Variants in CFAP57 observed in about 807,000 individuals in gnomAD.
CFAP57 encodes cilia and flagella associated protein 57.
CFAP57 carries 116 observed loss-of-function variants against 146.8 expected under a neutral mutation model. The ratio of observed to expected loss-of-function variants is 0.79; its 90% CI spans 0.68 to 0.92. CFAP57 has a LOEUF of 0.92. CFAP57 is among the 40% of genes least tolerant of loss of function. The pLI is 0.00. For synonymous variants in CFAP57, 518 were observed against 552.8 expected (o/e 0.94, Z 0.88); for missense variants, 1,377 against 1,527.2 (o/e 0.90, Z 1.64).
intron 11 of CFAP57, among the ~76,000 whole-genome samples, chr1:43,213,551 T>C (rs1161439776): frequency 6.6e-6 from 1 of 152,094 alleles, no homozygotes; most frequent in Non-Finnish European, 1.5e-5. Context: ...CTGATTTCCT[T>C]TCCTTTAGAA....
chr1:43,227,086 G>T lies in CFAP57; in HGVS notation c.2969G>T (p.Arg990Leu). The change falls in exon 18 of 23, where the codon CGA (arginine) becomes CTA (leucine). Residue 990 changes from arginine (R) to leucine (L), a missense_variant. Arg to Leu is a moderately radical substitution (Grantham distance 102). Coordinates refer to ENST00000372492, the MANE Select transcript of CFAP57 (RefSeq NM_001378189.1). ...IKELKKQIEP[R>L]ENEIRVMKEQ... Reference sequence around the variant, plus strand: ...GAGCTGAAGAAGCAAATAGAACCTCGAGAGAATGAGATCAGGGTGATGAAG... The same window carrying T: ...GAGCTGAAGAAGCAAATAGAACCTCTAGAGAATGAGATCAGGGTGATGAAG... The T allele has an allele frequency of 6.5e-7, 1 of 1,543,874 alleles. No individual in the cohort carries two copies. The highest frequency in any genetic ancestry group is 1.2e-5 in the South Asian group (1 of 82,944).
intron 2 of CFAP57, 90 bp from the exon 3 acceptor site, chr1:43,181,444 A>T: frequency 6.8e-7 from 1 of 1,477,668 alleles, no homozygotes; most frequent in Non-Finnish European, 9.3e-7. Context: ...ACCACTGTCC[A>T]CTCCAGTGCC....
intron 9 of CFAP57, among the ~76,000 whole-genome samples, chr1:43,199,904 G>C (rs1395224091): frequency 6.6e-6 from 1 of 152,198 alleles, no homozygotes; most frequent in Non-Finnish European, 1.5e-5. Flanking sequence ...TGTGGTGCCA[G>C]GATAAACCGT....
chr1:43,250,930 G>A (rs1336758550), intron 22 of CFAP57, among the ~76,000 whole-genome samples: 1 of 152,190 alleles, frequency 6.6e-6, no homozygotes, highest in Non-Finnish European at 1.5e-5. Context: ...CAAATTGAGA[G>A]GAGCAGATGC....
At chr1:43,242,453 T>TTGGA (rs56071451) in intron 21 of CFAP57, among the ~76,000 whole-genome samples, 52,516 of 151,492 alleles carry the variant, frequency 0.35, 9,376 homozygotes, top group Non-Finnish European at 0.4. Flanking sequence ...GAATGGTTGG[T>TTGGA]TGGATGGATG....
Position 43,234,642 on chromosome 1 carries a change from C to A in CFAP57, c.3405+4C>A, listed in dbSNP as rs1021558264. 3.9e-6 allele frequency: 6 copies of A among 1,547,368 alleles called. No homozygotes were observed. Among genetic ancestry groups the A allele is most frequent in the Non-Finnish European group, 5.2e-6 (6 of 1,145,396 alleles). On this transcript the variant is annotated splice_donor_region_variant and intron_variant, in intron 21 of 22. Transcript: ENST00000372492. ...AGACTACGTCCGCATCATGCAGGTA[C>A]CTGCATGCTCCCCTCAGCCCCTGTG...
chr1:43,187,574 T>TA (rs1643222320), intron 6 of CFAP57, among the ~76,000 whole-genome samples: 1 of 151,214 alleles, frequency 6.6e-6, no homozygotes, highest in African/African-American at 2.4e-5. Context: ...CCATTTATCA[T>TA]AGACAGCCTT....
intron 9 of CFAP57, among the ~76,000 whole-genome samples, chr1:43,205,503 G>T (rs149058502): frequency 1.3e-5 from 2 of 152,352 alleles, no homozygotes; most frequent in East Asian, 3.9e-4. Flanking sequence ...GTATGTGTGT[G>T]TGCACGTATG....
Position 43,197,265 on chromosome 1 carries a change from G to T in CFAP57, c.1123-288G>T, listed in dbSNP as rs566343717. On this transcript the variant is annotated intron_variant, in intron 6 of 22. Coordinates refer to ENST00000372492, the MANE Select transcript of CFAP57 (RefSeq NM_001378189.1). ...CCAGCTACTCGGGAGGCTGAGGCAG[G>T]AGAATGGTGTGAACCCGGGAGGCGG... Among the ~76,000 whole-genome samples, 3 of 152,294 alleles carry T rather than the reference G, an allele frequency of 2.0e-5. No individual in the cohort carries two copies. The South Asian group carries it at 6.2e-4, about 32-fold the overall frequency.
rs565728100 is a variant in CFAP57, at chr1:43,251,379, G to A, written c.3539-2598G>A. Reference sequence around the variant, plus strand: ...ACATGGGTAAGAAAACAAGAACTAGGGAGGGGCCAAGGGCCACCCGGTGCA... The same window carrying A: ...ACATGGGTAAGAAAACAAGAACTAGAGAGGGGCCAAGGGCCACCCGGTGCA... On this transcript the variant is annotated intron_variant, in intron 22 of 22. Coordinates refer to ENST00000372492, the MANE Select transcript of CFAP57 (RefSeq NM_001378189.1). 2.0e-3 allele frequency among the ~76,000 whole-genome samples: 301 copies of A among 152,324 alleles called. 1 individual carries two copies. The highest frequency in any genetic ancestry group is 2.6e-3 in the Non-Finnish European group (180 of 68,024).
Position 43,254,248 on chromosome 1 carries a change from C to T in CFAP57, c.*57C>T. 1 of 1,458,312 alleles carries T rather than the reference C, an allele frequency of 6.9e-7. No individual in the cohort carries two copies. Among genetic ancestry groups the T allele is most frequent in the Non-Finnish European group, 9.2e-7 (1 of 1,082,908 alleles). 90.3% of individuals were successfully genotyped at this position (1,458,312 alleles called of 1,614,324 possible). ...CAGAAGAAACACAGCATGTCTGTCC[C>T]CAAGCCAGACTTGCGGTTGGAGTCT... On this transcript the variant is annotated 3_prime_UTR_variant, in exon 23 of 23. Transcript: ENST00000372492.
At chr1:43,235,537 G>A (rs1393086836) in intron 21 of CFAP57, among the ~76,000 whole-genome samples, 3 of 152,188 alleles carry the variant, frequency 2.0e-5, no homozygotes, top group African/African-American at 7.2e-5. Flanking sequence ...ACACAGCTGG[G>A]CAGAGCGCAC....
At position 43,238,441 on chromosome 1, in the gene CFAP57, G is replaced by A. The variant is rs1645784830; in HGVS notation, c.3405+3803G>A. ...ACATAAACAGTTTCACATCCCCCAAGACTTGGCACGTTGGTGGACCCCAGG... is the reference window on the plus strand; with the variant it reads ...ACATAAACAGTTTCACATCCCCCAAAACTTGGCACGTTGGTGGACCCCAGG... On this transcript the variant is annotated intron_variant, in intron 21 of 22. Transcript: ENST00000372492. The surrounding 1 kb of genome is among the most constrained non-coding windows in gnomAD (Gnocchi z 4.3). Among the ~76,000 whole-genome samples, 1 of 152,172 alleles carries A rather than the reference G, an allele frequency of 6.6e-6. No homozygotes were observed. The highest frequency in any genetic ancestry group is 1.5e-5 in the Non-Finnish European group (1 of 68,036).
chr1:43,174,211 T>C (rs911746255), intron 2 of CFAP57, among the ~76,000 whole-genome samples: 9 of 152,324 alleles, frequency 5.9e-5, no homozygotes, highest in African/African-American at 2.2e-4. Flanking sequence ...TCTTTCAGTT[T>C]GGGGCATTTT....
At position 43,197,362 on chromosome 1, in the gene CFAP57, T is replaced by A. The variant is rs558972953; in HGVS notation, c.1123-191T>A. 5.8e-4 allele frequency among the ~76,000 whole-genome samples: 88 copies of A among 152,016 alleles called. 4 individuals carry two copies. The South Asian group carries it at 0.018, about 31-fold the overall frequency. On this transcript the variant is annotated intron_variant, in intron 6 of 22. Coordinates refer to ENST00000372492, the MANE Select transcript of CFAP57 (RefSeq NM_001378189.1). The stretch of plus-strand genomic sequence containing the variant: ...ACAGAGCGAGACTCCATCTCAAACA[T>A]AAAATAAAATAAAATAAAAAATAAT...
chr1:43,185,145 C>T lies in CFAP57; in HGVS notation c.762-4C>T, dbSNP rs756271397. On this transcript the variant is annotated splice_polypyrimidine_tract_variant and splice_region_variant and intron_variant, in intron 4 of 22. Coordinates refer to ENST00000372492, the MANE Select transcript of CFAP57 (RefSeq NM_001378189.1). ...AATTATGTATGCTGTTTTTTTGTTTCCAGCCTGATTGAATTTCCACCAGTC... is the reference window on the plus strand; with the variant it reads ...AATTATGTATGCTGTTTTTTTGTTTTCAGCCTGATTGAATTTCCACCAGTC... The T allele has an allele frequency of 1.2e-6, 2 of 1,613,636 alleles. No individual in the cohort carries two copies. Among genetic ancestry groups the T allele is most frequent in the Non-Finnish European group, 1.7e-6 (2 of 1,179,892 alleles).
chr1:43,211,344 G>C (rs1309561246), intron 11 of CFAP57: 1 of 152,168 alleles, frequency 6.6e-6, no homozygotes, highest in East Asian at 1.9e-4. Context: ...GGAAGCCCAA[G>C]GCGGGCAGAT....
At chr1:43,248,138 C>CAAAA (rs35277187) in intron 22 of CFAP57, among the ~76,000 whole-genome samples, 7 of 54,812 alleles carry the variant, frequency 1.3e-4, no homozygotes, top group Admixed American at 2.5e-4. Flanking sequence ...GACTCTGTCT[C>CAAAA]AAAAAAAAAA....
Position 43,222,993 on chromosome 1 carries a change from A to G in CFAP57, c.2702A>G (p.Lys901Arg). The stretch of plus-strand genomic sequence containing the variant: ...AAGGGAGAAACAGGCATCATGAGGA[A>G]GAAGGTAGCAGGCTGTTCTCCAAGA... ...RLKGETGIMRKKFSSLQKEIE... is the reference protein window; with the variant it reads ...RLKGETGIMRRKFSSLQKEIE... The change falls in exon 16 of 23, where the codon AAG becomes AGG. Residue 901 changes from lysine to arginine, a missense_variant. Transcript: ENST00000372492. 6.5e-7 allele frequency: 1 copy of G among 1,548,162 alleles called. No individual in the cohort carries two copies. Among genetic ancestry groups the G allele is most frequent in the Middle Eastern group, 1.7e-4 (1 of 5,978 alleles).
Sources: gnomAD v4.1 joint callset for allele counts (sites outside exome capture counted in the v4.1 genomes callset) on GRCh38, gnomAD v4.1.1 for gene constraint, Gnocchi (gnomAD v3.1) non-coding constraint, MANE v1.5 for transcripts, NCBI Gene and HGNC (gene_info 2026-07-23, HGNC 2026-07-21) for gene names.